The following HS3ST5 variants were observed in gnomAD, a reference collection of about 807,000 sequenced individuals.
The protein encoded by HS3ST5 is heparan sulfate glucosamine 3-O-sulfotransferase 5.
A neutral mutation model predicts 25.4 loss-of-function variants in HS3ST5; 10 were observed. The ratio of observed to expected loss-of-function variants is 0.39; its 90% CI spans 0.24 to 0.67. The LOEUF (loss-of-function observed/expected upper bound fraction) is 0.67, where lower values mean the gene tolerates loss of function less well. Ranked by LOEUF, HS3ST5 falls within the 30% of genes least tolerant of loss-of-function variation. The probability of loss-of-function intolerance (pLI) is 0.44; values close to 1 mark genes in which losing one functional copy is unlikely to be tolerated. For missense variants in HS3ST5, 324 were observed against 420.7 expected, an observed-to-expected ratio of 0.77 and a Z score of 2.01; for synonymous variants, 170 against 162.4, an observed-to-expected ratio of 1.05 and a Z score of -0.36.
intron 1 of HS3ST5, among the ~76,000 whole-genome samples, chr6:114,328,058 C>A (rs1349678217): frequency 6.6e-6 from 1 of 152,002 alleles, no homozygotes; most frequent in Non-Finnish European, 1.5e-5. Flanking sequence ...TAAGTCAAGC[C>A]TTCTTATTGT....
At chr6:114,229,801 G>A (rs983147369) in intron 1 of HS3ST5, among the ~76,000 whole-genome samples, 4 of 152,090 alleles carry the variant, frequency 2.6e-5, no homozygotes, top group African/African-American at 7.2e-5. Flanking sequence ...TGATGCTTTC[G>A]GGATAGAGCA....
chr6:114,063,231 T>C (rs1280383426), intron 3 of HS3ST5, among the ~76,000 whole-genome samples: 2 of 152,160 alleles, frequency 1.3e-5, no homozygotes, highest in Admixed American at 6.5e-5. Context: ...AATGAGCAAC[T>C]TGGCCGGGTA....
chr6:114,246,279 C>T (rs1044071482), intron 1 of HS3ST5, among the ~76,000 whole-genome samples: 1 of 152,172 alleles, frequency 6.6e-6, no homozygotes, highest in Admixed American at 6.5e-5. Flanking sequence ...CCAAATTACC[C>T]AGGGAAATTA....
Position 114,153,381 on chromosome 6 carries a change from G to A in HS3ST5, c.-33+14970C>T, listed in dbSNP as rs944123174. Among the ~76,000 whole-genome samples the A allele has an allele frequency of 6.6e-5, 10 of 152,044 alleles. No individual in the cohort carries two copies. The East Asian group carries it at 1.2e-3, about 18-fold the overall frequency. On this transcript the variant is annotated intron_variant, in intron 3 of 4. Transcript: ENST00000312719. ...TATTTACATGTTCTATTGGGATTTC[G>A]TTATATTTCCTAATTTTATAAGTGG...
intron 2 of HS3ST5, among the ~76,000 whole-genome samples, chr6:114,186,864 C>G (rs1479080164): frequency 6.6e-6 from 1 of 152,162 alleles, no homozygotes; most frequent in Non-Finnish European, 1.5e-5. Flanking sequence ...TGACTTTATA[C>G]TGAAGCCAAT....
chr6:114,242,804 G>C (rs145203247), intron 1 of HS3ST5, among the ~76,000 whole-genome samples: 2 of 147,358 alleles, frequency 1.4e-5, no homozygotes, highest in African/African-American at 5.0e-5. Flanking sequence ...AGTGAGCCGA[G>C]ATTGCGCCAC....
chr6:114,319,572 C>A (rs1048891550), intron 1 of HS3ST5, among the ~76,000 whole-genome samples: 2 of 152,078 alleles, frequency 1.3e-5, no homozygotes, highest in African/African-American at 4.8e-5. Context: ...ATAAGTAGCA[C>A]AGGTGAGCAA....
At position 114,234,317 on chromosome 6, in the gene HS3ST5, AAT is replaced by A. The variant is rs886549201; in HGVS notation, c.-338-5541_-338-5540del. ...GGATATTAGTAAAATTAATATATAT[AAT>A]ATATATATATATGAAAAAGAAAAGA... On this transcript the variant is annotated intron_variant, in intron 1 of 4. Coordinates refer to ENST00000312719, the MANE Select transcript of HS3ST5 (RefSeq NM_153612.4). Among the ~76,000 whole-genome samples, 364 of 148,028 alleles carry A rather than the reference AAT, an allele frequency of 2.5e-3. 2 individuals carry two copies. Among genetic ancestry groups the A allele is most frequent in the African/African-American group, 8.6e-3 (349 of 40,770 alleles).
At chr6:114,078,320 C>A (rs1582573391) in intron 3 of HS3ST5, among the ~76,000 whole-genome samples, 1 of 152,210 alleles carries the variant, frequency 6.6e-6, no homozygotes, top group East Asian at 1.9e-4. Context: ...AATTCTCCTG[C>A]CTCAGCCTCA....
intron 3 of HS3ST5, among the ~76,000 whole-genome samples, chr6:114,111,513 C>T (rs1223509349): frequency 6.6e-6 from 1 of 152,140 alleles, no homozygotes; most frequent in Admixed American, 6.5e-5. Context: ...CTGCCTAGGT[C>T]TTTTGGCCTC....
chr6:114,209,204 GTCAAT>G (rs1480839012), intron 2 of HS3ST5, among the ~76,000 whole-genome samples: 2 of 151,930 alleles, frequency 1.3e-5, no homozygotes, highest in African/African-American at 4.8e-5. Context: ...ATTCTCTACA[GTCAAT>G]TCAATTCAAT....
At chr6:114,341,232 A>AGG (rs1776846086) in intron 1 of HS3ST5, among the ~76,000 whole-genome samples, 1 of 140,754 alleles carries the variant, frequency 7.1e-6, no homozygotes, top group African/African-American at 2.7e-5. Flanking sequence ...GGAGAGAGAG[A>AGG]GAGAGAGAGA....
intron 1 of HS3ST5, among the ~76,000 whole-genome samples, chr6:114,313,590 C>A (rs975632726): frequency 6.6e-6 from 1 of 152,098 alleles, no homozygotes; most frequent in Non-Finnish European, 1.5e-5. Context: ...AAATGACGTT[C>A]TAGAACAGGC....
intron 2 of HS3ST5, among the ~76,000 whole-genome samples, chr6:114,219,822 A>G (rs1781946770): frequency 6.6e-6 from 1 of 152,172 alleles, no homozygotes; most frequent in South Asian, 2.1e-4. Flanking sequence ...TGGAACAGGT[A>G]GAAGATCCAG....
At chr6:114,165,685 G>A (rs536461619) in intron 3 of HS3ST5, among the ~76,000 whole-genome samples, 170 of 152,212 alleles carry the variant, frequency 1.1e-3, no homozygotes, top group African/African-American at 3.6e-3. Context: ...ACTGAACCTC[G>A]CGCTCACTTC....
At chr6:114,172,555 C>T (rs1197654931) in intron 2 of HS3ST5, among the ~76,000 whole-genome samples, 1 of 152,234 alleles carries the variant, frequency 6.6e-6, no homozygotes, top group Non-Finnish European at 1.5e-5. Flanking sequence ...ACAGGCACAT[C>T]TGCTTTGTAA....
chr6:114,275,813 A>G (rs1211473538), intron 1 of HS3ST5, among the ~76,000 whole-genome samples: 2 of 152,014 alleles, frequency 1.3e-5, no homozygotes, highest in Admixed American at 1.3e-4. Context: ...TTCCCCATCC[A>G]TTTAAAAGTA....
At chr6:114,341,512 C>A (rs1562281592) in intron 1 of HS3ST5, among the ~76,000 whole-genome samples, 1 of 152,034 alleles carries the variant, frequency 6.6e-6, no homozygotes, top group Non-Finnish European at 1.5e-5. Flanking sequence ...GGAGTCTCAG[C>A]GCTCCAGTGA....
At chr6:114,330,833 G>A (rs73544451) in intron 1 of HS3ST5, among the ~76,000 whole-genome samples, 9,636 of 152,180 alleles carry the variant, frequency 0.063, 553 homozygotes, top group African/African-American at 0.15. Flanking sequence ...CCCCAGCCTT[G>A]TGTTGGGTAA....
Sources: allele counts gnomAD v4.1 joint callset (sites outside exome capture counted in the v4.1 genomes callset), GRCh38; gene constraint gnomAD v4.1.1; transcripts MANE v1.5; gene names NCBI Gene and HGNC (gene_info 2026-07-23, HGNC 2026-07-21).